Variants in CDHR2 observed in about 807,000 individuals in gnomAD.
CDHR2 encodes the protein cadherin related family member 2.
Under a neutral mutation model 138.6 loss-of-function variants are expected in CDHR2, and 104 were observed. The observed-to-expected ratio is 0.75, with a 90% confidence interval of 0.64 to 0.88. The LOEUF is 0.88. Among genes scored for constraint, CDHR2 ranks in the 40% least tolerant of loss-of-function variants. The pLI, the probability that CDHR2 is intolerant of heterozygous loss-of-function variation, is 0.00. For synonymous variants in CDHR2, 755 were observed against 742.8 expected (o/e 1.02, Z -0.27); for missense variants, 1,624 against 1,727.6 (o/e 0.94, Z 1.06).
intron 1 of CDHR2, among the ~76,000 whole-genome samples, chr5:176,563,629 C>A (rs756808806): frequency 1.3e-5 from 2 of 152,084 alleles, no homozygotes; most frequent in Non-Finnish European, 2.9e-5. Flanking sequence ...TTCAGTCCTG[C>A]GAACTCTATT....
At chr5:176,577,966 A>G in intron 14 of CDHR2, 68 bp from the exon 15 acceptor site, 1 of 1,529,302 alleles carries the variant, frequency 6.5e-7, no homozygotes, top group Non-Finnish European at 9.0e-7. Flanking sequence ...CTCTGTCCCC[A>G]CGAGCTGCAT....
chr5:176,577,597 A>G (rs1349934612), intron 13 of CDHR2, 40 bp from the exon 14 acceptor site: 11 of 1,613,664 alleles, frequency 6.8e-6, no homozygotes, highest in African/African-American at 1.3e-5. Flanking sequence ...GCCGAGGGGC[A>G]CTTGGGCCCC....
chr5:176,547,830 TA>T (rs1757619367), upstream of CDHR2: 1 of 152,266 alleles, frequency 6.6e-6, no homozygotes, highest in Admixed American at 6.5e-5. Context: ...TGGTGGCGTA[TA>T]AATTTTGTTA....
intron 1 of CDHR2, among the ~76,000 whole-genome samples, chr5:176,562,700 C>T (rs577805006): frequency 1.8e-4 from 28 of 152,106 alleles, no homozygotes; most frequent in African/African-American, 5.3e-4. Flanking sequence ...GCCATCCCTC[C>T]GGCCAAGACC....
At chr5:176,592,969 T>A (rs62402563) in intron 31 of CDHR2, among the ~76,000 whole-genome samples, 189 bp downstream of exon 31, 4,041 of 152,306 alleles carry the variant, frequency 0.027, 69 homozygotes, top group Middle Eastern at 0.044. Flanking sequence ...TGTGTGACCC[T>A]GAGAGACTTC....
At chr5:176,565,208 G>A (rs923901763) in intron 1 of CDHR2, 130 bp from the exon 2 acceptor site, 1 of 689,372 alleles carries the variant, frequency 1.5e-6, no homozygotes, top group African/African-American at 1.8e-5. Context: ...GACAGAGGGT[G>A]ATAGAGGCCC....
chr5:176,544,803 C>A (rs1480100579), upstream of CDHR2, among the ~76,000 whole-genome samples: 1 of 152,164 alleles, frequency 6.6e-6, no homozygotes, highest in Non-Finnish European at 1.5e-5. Flanking sequence ...TGGGCTGGTT[C>A]CTTGTCTGTA....
In CDHR2 at chr5:176,575,106, G is replaced by A; in HGVS notation, c.518G>A (p.Ser173Asn). Residue 173 changes from serine (S) to asparagine (N), a missense_variant, in exon 8 of 32, where the codon AGC (serine) becomes AAC (asparagine). Ser to Asn is a conservative substitution (Grantham distance 46). Coordinates refer to ENST00000261944, the MANE Select transcript of CDHR2 (RefSeq NM_017675.6). ...CAGGTCATCCCTAGCACTGGGGACA[G>A]CGAGCATCTCTTCCGGATCCTGGCC... is the stretch of plus-strand genomic sequence containing the variant. ...IEKVIPSTGD[S>N]EHLFRILANG... The A allele has an allele frequency of 6.2e-7, 1 of 1,614,174 alleles. No individual in the cohort carries two copies.
chr5:176,578,626 C>G lies in CDHR2; in HGVS notation c.1818+18C>G. ...CCATCCAGGTGTGAGCCTGCCTGGACCTGGTGGGTAAGGCTGGGGGAGGGG... is the reference window on the plus strand; with the variant it reads ...CCATCCAGGTGTGAGCCTGCCTGGAGCTGGTGGGTAAGGCTGGGGGAGGGG... On this transcript the variant is annotated intron_variant, in intron 16 of 31. Coordinates refer to ENST00000261944, the MANE Select transcript of CDHR2 (RefSeq NM_017675.6). The G allele has an allele frequency of 6.2e-7, 1 of 1,606,082 alleles. No individual in the cohort carries two copies. The highest frequency in any genetic ancestry group is 8.5e-7 in the Non-Finnish European group (1 of 1,179,848).
upstream of CDHR2, among the ~76,000 whole-genome samples, chr5:176,546,050 G>A (rs1757578295): frequency 1.3e-5 from 2 of 152,234 alleles, no homozygotes; most frequent in Admixed American, 1.3e-4. Flanking sequence ...CCTATTTGGG[G>A]CACAGCAGAG....
rs755617220 is a variant in CDHR2, at chr5:176,590,557, C to T, written c.3415-6C>T. On this transcript the variant is annotated splice_polypyrimidine_tract_variant and splice_region_variant and intron_variant, in intron 27 of 31. Transcript: ENST00000261944. ...GTGTGCTTCCCTCACACTCATCTTT[C>T]TCCAGGGCTCCCAGGAGAGCCAGGA... is the stretch of plus-strand genomic sequence containing the variant. 1.2e-4 allele frequency: 189 copies of T among 1,613,886 alleles called. No individual in the cohort carries two copies. The highest frequency in any genetic ancestry group is 1.5e-4 in the Non-Finnish European group (178 of 1,180,010).
chr5:176,586,115 G>T lies in CDHR2; in HGVS notation c.2806+90G>T, dbSNP rs1758658842. ...ACAGACCCTCCTTGGACCCCAGGGG[G>T]AGCCTTTAGAAAGGGGGGAAGGCCT... On this transcript the variant is annotated intron_variant, in intron 20 of 31. Transcript: ENST00000261944. 1.2e-5 allele frequency: 12 copies of T among 1,010,520 alleles called. No homozygotes were observed. The South Asian group carries it at 1.3e-4, about 11-fold the overall frequency. 62.6% of individuals were successfully genotyped at this position (1,010,520 alleles called of 1,614,324 possible).
At chr5:176,573,113 C>T (rs1288381715) in intron 6 of CDHR2, among the ~76,000 whole-genome samples, 11 of 152,018 alleles carry the variant, frequency 7.2e-5, no homozygotes, top group Non-Finnish European at 1.5e-4. Context: ...AAGGGGTGCT[C>T]CAGGCAGGGG....
intron 16 of CDHR2, among the ~76,000 whole-genome samples, chr5:176,580,814 T>G (rs1758514188): frequency 6.6e-6 from 1 of 152,016 alleles, no homozygotes; most frequent in African/African-American, 2.4e-5. Context: ...GAGAAGGAGT[T>G]TGCAGTGAGC....
chr5:176,569,634 C>T (rs768327453), intron 5 of CDHR2, among the ~76,000 whole-genome samples: 1 of 152,178 alleles, frequency 6.6e-6, no homozygotes, highest in Non-Finnish European at 1.5e-5. Context: ...CCAAATACCT[C>T]TCCACCCCAG....
intron 1 of CDHR2, among the ~76,000 whole-genome samples, chr5:176,550,196 C>G (rs1357700914): frequency 6.6e-6 from 1 of 152,164 alleles, no homozygotes; most frequent in Non-Finnish European, 1.5e-5. Context: ...TGTGTAGACC[C>G]CTTGATTTTT....
Position 176,584,877 on chromosome 5 carries a change from T to C in CDHR2, c.2596T>C (p.Phe866Leu). ...VDVGSLCWGW[F>L]SVAANGSVYI... ...TGTGGGCAGCCTATGCTGGGGCTGG[T>C]TCTCAGTGGCGGCCAACGGCTCTGT... The change falls in exon 19 of 32, where the codon TTC becomes CTC. Residue 866 changes from phenylalanine (F) to leucine (L), a missense_variant. Coordinates refer to ENST00000261944, the MANE Select transcript of CDHR2 (RefSeq NM_017675.6). 6.2e-7 allele frequency: 1 copy of C among 1,614,042 alleles called. No homozygotes were observed. Among genetic ancestry groups the C allele is most frequent in the Admixed American group, 1.7e-5 (1 of 60,000 alleles).
upstream of CDHR2, among the ~76,000 whole-genome samples, chr5:176,548,936 T>A (rs1339789274): frequency 2.0e-5 from 3 of 152,012 alleles, no homozygotes; most frequent in Non-Finnish European, 4.4e-5. Flanking sequence ...CCACACAGTG[T>A]TTGATTGTTA....
chr5:176,581,212 T>C (rs1323022452), intron 16 of CDHR2, 131 bp from the exon 17 acceptor site: 8 of 1,212,144 alleles, frequency 6.6e-6, no homozygotes, highest in African/African-American at 3.0e-5. Flanking sequence ...GGCTGGGAGA[T>C]GGGCCCAGGG....
Sources: gnomAD v4.1 joint callset for allele counts (sites outside exome capture counted in the v4.1 genomes callset) on GRCh38, gnomAD v4.1.1 for gene constraint, MANE v1.5 for transcripts, NCBI Gene and HGNC (gene_info 2026-07-23, HGNC 2026-07-21) for gene names.